SYNDIG1: variants seen among roughly 807,000 people sequenced by gnomAD.
The protein encoded by SYNDIG1 is synapse differentiation inducing 1.
SYNDIG1 carries 9 observed loss-of-function variants against 19.4 expected under a neutral mutation model. The ratio of observed to expected loss-of-function variants is 0.46; its 90% CI spans 0.28 to 0.81. The LOEUF (loss-of-function observed/expected upper bound fraction) is 0.81, where lower values mean the gene tolerates loss of function less well. SYNDIG1 is among the 30% of genes least tolerant of loss of function. SYNDIG1 has a pLI of 0.12. For missense variants in SYNDIG1, 311 were observed against 343.3 expected (o/e 0.91, Z 0.74); for synonymous variants, 141 against 145.9 (o/e 0.97, Z 0.24).
In SYNDIG1 at chr20:24,586,224, G is replaced by T. The variant is rs1172318039; in HGVS notation, c.618+1231G>T. On this transcript the variant is annotated intron_variant, in intron 3 of 3. Coordinates refer to ENST00000376862, the MANE Select transcript of SYNDIG1 (RefSeq NM_024893.3). ...GCTTTTGCAGGCAGGGGTGTAGCTG[G>T]AGGGGCACAGTGGGGAAATCTTGAT... 2.0e-5 allele frequency among the ~76,000 whole-genome samples: 3 copies of T among 152,152 alleles called. No individual in the cohort carries two copies. In the South Asian group the frequency reaches 6.2e-4, roughly 31 times the overall value.
At chr20:24,555,861 G>GAA (rs1392388624) in intron 2 of SYNDIG1, among the ~76,000 whole-genome samples, 1 of 152,136 alleles carries the variant, frequency 6.6e-6, no homozygotes, top group Non-Finnish European at 1.5e-5. Flanking sequence ...GGGTATCCTT[G>GAA]TTAAATTTCT....
intron 1 of SYNDIG1, among the ~76,000 whole-genome samples, chr20:24,490,579 A>T (rs2056116815): frequency 6.6e-6 from 1 of 152,120 alleles, no homozygotes; most frequent in South Asian, 2.1e-4. Context: ...CGGTTTCCTT[A>T]TGAATGAAGC....
chr20:24,590,440 C>A (rs948446848), intron 3 of SYNDIG1, among the ~76,000 whole-genome samples: 5 of 152,180 alleles, frequency 3.3e-5, no homozygotes, highest in African/African-American at 1.2e-4. Context: ...AGGAGAAGCC[C>A]CTGTGGCCAC....
intron 3 of SYNDIG1, among the ~76,000 whole-genome samples, chr20:24,663,042 T>G (rs1490460529): frequency 2.0e-5 from 3 of 152,234 alleles, no homozygotes; most frequent in Admixed American, 2.0e-4. Context: ...CAGTTATCCA[T>G]TTTCTGAGAC....
chr20:24,559,670 C>A (rs902974905), intron 2 of SYNDIG1, among the ~76,000 whole-genome samples: 1 of 152,188 alleles, frequency 6.6e-6, no homozygotes, highest in East Asian at 1.9e-4. Context: ...CTGCTAGGAA[C>A]AAATTCATTC....
At chr20:24,543,642 A>C in intron 2 of SYNDIG1, 65 bp downstream of exon 2, 1 of 1,549,888 alleles carries the variant, frequency 6.5e-7, no homozygotes, top group Non-Finnish European at 8.7e-7. Context: ...GGAGGGCAGG[A>C]GCCATGAATG....
At chr20:24,597,541 C>T (rs1372178933) in intron 3 of SYNDIG1, among the ~76,000 whole-genome samples, 3 of 152,016 alleles carry the variant, frequency 2.0e-5, no homozygotes, top group Non-Finnish European at 2.9e-5. Context: ...CACTGTGTTT[C>T]CTGGAGGCTC....
intron 2 of SYNDIG1, among the ~76,000 whole-genome samples, chr20:24,550,675 A>G (rs2057689287): frequency 6.6e-6 from 1 of 151,424 alleles, no homozygotes; most frequent in South Asian, 2.1e-4. Context: ...TGCCCGGCTA[A>G]TTTTTTTTGT....
chr20:24,587,895 G>A (rs557524905), intron 3 of SYNDIG1, among the ~76,000 whole-genome samples: 1 of 152,318 alleles, frequency 6.6e-6, no homozygotes, highest in Admixed American at 6.5e-5. Context: ...CTCACTGACA[G>A]TCAGGCTGTG....
intron 1 of SYNDIG1, among the ~76,000 whole-genome samples, chr20:24,470,977 G>A (rs1600356223): frequency 1.3e-5 from 2 of 152,022 alleles, no homozygotes; most frequent in Non-Finnish European, 1.5e-5. Flanking sequence ...CGAGGGGAGG[G>A]GGGCTGGGCG....
chr20:24,616,494 C>A (rs902464871), intron 3 of SYNDIG1, among the ~76,000 whole-genome samples: 10 of 152,248 alleles, frequency 6.6e-5, no homozygotes, highest in African/African-American at 2.4e-4. Context: ...GGCCAACCTG[C>A]CTCCCCTCTG....
In SYNDIG1 at chr20:24,531,723, C is replaced by A. The variant is rs185758618; in HGVS notation, c.-78-11297C>A. On this transcript the variant is annotated intron_variant, in intron 1 of 3. Transcript: ENST00000376862. The stretch of plus-strand genomic sequence containing the variant: ...GTCACTTTTACAATGCATAATTCCC[C>A]CTGGAGCAGGCTGGCCTTCTTCACA... Among the ~76,000 whole-genome samples the A allele has an allele frequency of 2.6e-5, 4 of 152,288 alleles. No individual in the cohort carries two copies. The East Asian group carries it at 7.7e-4, about 29-fold the overall frequency.
intron 1 of SYNDIG1, among the ~76,000 whole-genome samples, chr20:24,491,155 C>T (rs1365617322): frequency 6.6e-6 from 1 of 152,204 alleles, no homozygotes; most frequent in Non-Finnish European, 1.5e-5. Context: ...AGCACCACTG[C>T]CTCAGTCCTT....
intron 3 of SYNDIG1, among the ~76,000 whole-genome samples, chr20:24,651,495 T>C (rs1299708424): frequency 2.0e-5 from 3 of 152,184 alleles, no homozygotes; most frequent in Non-Finnish European, 4.4e-5. Flanking sequence ...AAGTTTGTGA[T>C]TGAATCAGTA....
intron 1 of SYNDIG1, among the ~76,000 whole-genome samples, chr20:24,491,040 G>T (rs1191957453): frequency 1.3e-5 from 2 of 152,216 alleles, no homozygotes; most frequent in Non-Finnish European, 2.9e-5. Flanking sequence ...TGGCAGGTAA[G>T]GGTCGGCCTT....
intron 3 of SYNDIG1, among the ~76,000 whole-genome samples, chr20:24,664,643 T>A (rs988104032): frequency 2.0e-5 from 3 of 152,222 alleles, no homozygotes; most frequent in South Asian, 4.1e-4. Context: ...CACCAACACC[T>A]GGTCATGTCA....
chr20:24,527,400 G>C (rs555684975), intron 1 of SYNDIG1, among the ~76,000 whole-genome samples: 17 of 151,982 alleles, frequency 1.1e-4, no homozygotes, highest in African/African-American at 4.1e-4. Context: ...GCTCCTTCTT[G>C]TGTTTTATTT....
At chr20:24,555,903 G>T (rs1214685613) in intron 2 of SYNDIG1, among the ~76,000 whole-genome samples, 1 of 152,008 alleles carries the variant, frequency 6.6e-6, no homozygotes, top group Non-Finnish European at 1.5e-5. Context: ...TTGACAGTGG[G>T]GTGTTAAAGT....
chr20:24,598,556 C>T (rs945719407), intron 3 of SYNDIG1, among the ~76,000 whole-genome samples: 19 of 152,360 alleles, frequency 1.2e-4, no homozygotes, highest in East Asian at 9.6e-4. Context: ...GTTGGCTACA[C>T]GCCAGGACTG....
Sources: allele counts gnomAD v4.1 joint callset (sites outside exome capture counted in the v4.1 genomes callset), GRCh38; gene constraint gnomAD v4.1.1; transcripts MANE v1.5; gene names NCBI Gene and HGNC (gene_info 2026-07-23, HGNC 2026-07-21).